IREB2: variants seen among roughly 807,000 people sequenced by gnomAD.
IREB2 encodes the protein iron responsive element binding protein 2.
Under a neutral mutation model 118.8 loss-of-function variants are expected in IREB2, and 39 were observed. The observed-to-expected ratio is 0.33, with a 90% CI of 0.25 to 0.43. IREB2 has a LOEUF of 0.43. Among genes scored for constraint, IREB2 ranks in the 20% least tolerant of loss-of-function variants. The pLI is 1.00. For synonymous variants in IREB2, 372 were observed against 392.2 expected (o/e 0.95, Z 0.61); for missense variants, 900 against 1,147.3 (o/e 0.78, Z 3.11).
chr15:78,486,688 G>C (rs1280317720), intron 13 of IREB2, among the ~76,000 whole-genome samples: 1 of 151,876 alleles, frequency 6.6e-6, no homozygotes, highest in African/African-American at 2.4e-5. Flanking sequence ...TTTTGGTTTT[G>C]AGACAGTGTC....
chr15:78,493,993 G>A lies in IREB2; in HGVS notation c.2409G>A (p.Lys803=), dbSNP rs766244405. The change falls in exon 19 of 22, where the codon AAG becomes AAA. Residue 803 remains lysine (K), a synonymous_variant. Transcript: ENST00000258886. Reference sequence around the variant, plus strand: ...CAAGAGGCACTTTTGCAAATATCAAGCTTTTTAATAAGTTTATTGGAAAAC... The same window carrying A: ...CAAGAGGCACTTTTGCAAATATCAAACTTTTTAATAAGTTTATTGGAAAAC... The part of the protein sequence containing the change: ...VMTRGTFANI[K]LFNKFIGKPA... 1.2e-6 allele frequency: 2 copies of A among 1,614,024 alleles called. No individual in the cohort carries two copies. The highest frequency in any genetic ancestry group is 2.2e-5 in the South Asian group (2 of 91,088).
chr15:78,471,888 A>G lies in IREB2; in HGVS notation c.847A>G (p.Ile283Val), dbSNP rs2141489526. 5 of 1,607,282 alleles carry G rather than the reference A, an allele frequency of 3.1e-6. No individual in the cohort carries two copies. The highest frequency in any genetic ancestry group is 2.2e-5 in the South Asian group (2 of 88,996). ...CAGTGTAGTCGGCACAGATTCACACATAACGATGGTGAATGGTTTAGGGAT... is the reference window on the plus strand; with the variant it reads ...CAGTGTAGTCGGCACAGATTCACACGTAACGATGGTGAATGGTTTAGGGAT... ...PDSVVGTDSH[I>V]TMVNGLGILG... Residue 283 changes from isoleucine to valine, a missense_variant, in exon 7 of 22, where the codon ATA becomes GTA. Coordinates refer to ENST00000258886, the MANE Select transcript of IREB2 (RefSeq NM_004136.4).
At chr15:78,477,122 C>T (rs1420043277) in intron 9 of IREB2, among the ~76,000 whole-genome samples, 2 of 152,066 alleles carry the variant, frequency 1.3e-5, no homozygotes, top group African/African-American at 4.8e-5. Flanking sequence ...AATGATCCCC[C>T]CAAGTGCAAA....
intron 1 of IREB2, chr15:78,438,950 A>G (rs1236829632): frequency 6.6e-6 from 1 of 151,992 alleles, no homozygotes. Flanking sequence ...AATACTATTC[A>G]TTCTGAAAAT....
chr15:78,439,556 G>A (rs1296540292), intron 1 of IREB2, among the ~76,000 whole-genome samples: 3 of 152,144 alleles, frequency 2.0e-5, no homozygotes, highest in African/African-American at 7.2e-5. Flanking sequence ...TACTAGCCCT[G>A]TGTGACTTTA....
In IREB2 at chr15:78,466,468, T is replaced by C. The variant is rs1265929151; in HGVS notation, c.608T>C (p.Phe203Ser). Residue 203 changes from phenylalanine to serine, a missense_variant, in exon 5 of 22, where the codon TTT (phenylalanine) becomes TCT (serine). Physicochemically the swap from Phe to Ser is radical, Grantham distance 155. Coordinates refer to ENST00000258886, the MANE Select transcript of IREB2 (RefSeq NM_004136.4). ...GAGAATACACCCATCCTGTGTCCTT[T>C]TCATTTGCAACCAGTGCCTGAGTAT... Reference protein sequence around the residue: ...QIENTPILCPFHLQPVPEPET... With the variant: ...QIENTPILCPSHLQPVPEPET... The C allele has an allele frequency of 2.5e-6, 4 of 1,613,390 alleles. No individual in the cohort carries two copies. Among genetic ancestry groups the C allele is most frequent in the Non-Finnish European group, 3.4e-6 (4 of 1,179,356 alleles).
intron 20 of IREB2, 53 bp downstream of exon 20, chr15:78,494,317 C>T: frequency 6.4e-7 from 1 of 1,558,932 alleles, no homozygotes; most frequent in Non-Finnish European, 8.7e-7. Flanking sequence ...TTAACTGTTC[C>T]CTTTTGTCAG....
At chr15:78,464,673 T>C (rs1387235562) in intron 3 of IREB2, among the ~76,000 whole-genome samples, 1 of 152,178 alleles carries the variant, frequency 6.6e-6, no homozygotes, top group East Asian at 1.9e-4. Context: ...AGCATCGACC[T>C]CCTGGGCTCA....
At chr15:78,479,107 C>T (rs753659546) in intron 10 of IREB2, among the ~76,000 whole-genome samples, 1 of 151,784 alleles carries the variant, frequency 6.6e-6, no homozygotes, top group Non-Finnish European at 1.5e-5. Context: ...TTTAATATTA[C>T]TATTTTTTTA....
At position 78,498,186 on chromosome 15, in the gene IREB2, A is replaced by T. The variant is rs1252071766; in HGVS notation, c.*43A>T. The T allele has an allele frequency of 8.8e-7, 1 of 1,136,328 alleles. No homozygotes were observed. The highest frequency in any genetic ancestry group is 1.7e-5 in the Admixed American group (1 of 58,484). 70.4% of individuals were successfully genotyped at this position (1,136,328 alleles called of 1,614,324 possible). On this transcript the variant is annotated 3_prime_UTR_variant, in exon 22 of 22. Transcript: ENST00000258886. ...TACCTTTCATAACTGGTAACTGCAA[A>T]GCCTTTTGTGCTGGACCCAGGAATC...
At chr15:78,467,539 A>G (rs1257164794) in intron 5 of IREB2, among the ~76,000 whole-genome samples, 1 of 152,108 alleles carries the variant, frequency 6.6e-6, no homozygotes, top group African/African-American at 2.4e-5. Context: ...TAAAAATACA[A>G]AATTAGCCAG....
intron 10 of IREB2, chr15:78,479,978 A>AG (rs1273939951): frequency 6.6e-6 from 1 of 152,034 alleles, no homozygotes; most frequent in Non-Finnish European, 1.5e-5. Context: ...ATTCACTTCC[A>AG]GGGAAGCCTT....
intron 15 of IREB2, 26 bp downstream of exon 15, chr15:78,488,362 T>C (rs1018837139): frequency 3.0e-5 from 45 of 1,495,380 alleles, no homozygotes; most frequent in Non-Finnish European, 3.9e-5. Context: ...TGTATATGTA[T>C]ACCTACACAT....
chr15:78,474,916 G>A (rs1030133350), intron 8 of IREB2: 6 of 151,792 alleles, frequency 4.0e-5, no homozygotes, highest in Non-Finnish European at 7.4e-5. Context: ...TTAGCCGGGC[G>A]CGGTGGCGGG....
intron 9 of IREB2, 68 bp from the exon 10 acceptor site, chr15:78,478,229 G>C: frequency 9.2e-7 from 1 of 1,086,266 alleles, no homozygotes; most frequent in East Asian, 2.4e-5. Flanking sequence ...GTGAAACCCT[G>C]TCTGAAAAAA....
rs984044733 is a variant in IREB2, at chr15:78,490,630, A to C, written c.2193A>C (p.Pro731=). 3.1e-6 allele frequency: 5 copies of C among 1,613,990 alleles called. No homozygotes were observed. Among genetic ancestry groups the C allele is most frequent in the Non-Finnish European group, 4.2e-6 (5 of 1,180,008 alleles). ...CTTTTACCTTCTAGACCAAAGAGCC[A>C]ATTGCACTCCAGGCTATTGAAAATG... The part of the protein sequence containing the change: ...PSFFDKLTKE[P]IALQAIENAH... Residue 731 remains proline (P), a synonymous_variant, in exon 18 of 22, where the codon CCA becomes CCC. Transcript: ENST00000258886.
At chr15:78,494,083 CAAT>C in intron 19 of IREB2, 27 bp downstream of exon 19, 1 of 1,612,946 alleles carries the variant, frequency 6.2e-7, no homozygotes, top group African/African-American at 1.3e-5. Flanking sequence ...AGTATTTAGA[CAAT>C]TTATAACTGG....
intron 10 of IREB2, chr15:78,480,016 G>T (rs1596006966): frequency 6.6e-6 from 1 of 152,148 alleles, no homozygotes; most frequent in East Asian, 1.9e-4. Context: ...TTTTCTAGGA[G>T]TGTGTCAAGG....
chr15:78,466,299 G>A lies in IREB2; in HGVS notation c.439G>A (p.Gly147Ser). 1 of 1,613,712 alleles carries A rather than the reference G, an allele frequency of 6.2e-7. No homozygotes were observed. Among genetic ancestry groups the A allele is most frequent in the Non-Finnish European group, 8.5e-7 (1 of 1,179,798 alleles). Residue 147 changes from glycine (G) to serine (S), a missense_variant, in exon 5 of 22, where the codon GGT becomes AGT. Transcript: ENST00000258886. ...CAIQNAPNPG[G>S]GDLQKAGKLS... Reference sequence around the variant, plus strand: ...AATACAGAATGCACCAAATCCTGGAGGTGGTGACCTGCAGAAAGCAGGAAA... The same window carrying A: ...AATACAGAATGCACCAAATCCTGGAAGTGGTGACCTGCAGAAAGCAGGAAA...
Sources: allele counts gnomAD v4.1 joint callset (sites outside exome capture counted in the v4.1 genomes callset), GRCh38; gene constraint gnomAD v4.1.1; transcripts MANE v1.5; gene names NCBI Gene and HGNC (gene_info 2026-07-23, HGNC 2026-07-21).